The following MBTPS1 variants were observed in gnomAD, a reference collection of about 807,000 sequenced individuals.
MBTPS1 encodes the protein membrane bound transcription factor peptidase, site 1, also known as membrane-bound transcription factor site-1 protease.
MBTPS1 carries 94 observed loss-of-function variants against 127.8 expected under a neutral mutation model. That is an observed-to-expected ratio of 0.74 (90% confidence interval 0.62 to 0.87). The LOEUF (loss-of-function observed/expected upper bound fraction) is 0.87, where lower values mean the gene tolerates loss of function less well. Ranked by LOEUF, MBTPS1 falls within the 40% of genes least tolerant of loss-of-function variation. MBTPS1 has a pLI of 0.00. For synonymous variants in MBTPS1, 632 were observed against 509.4 expected, an observed-to-expected ratio of 1.24 and a Z score of -3.24; for missense variants, 1,636 against 1,353.2, an observed-to-expected ratio of 1.21 and a Z score of -3.28.
In MBTPS1 at chr16:84,060,816, G is replaced by A. The variant is rs2085599730; in HGVS notation, c.2573-3C>T. ...GGCATCCAGAAGCCAAAAGCAGTCT[G>A]CGAAGTCAACAAGCCTGTTTAGGAA... On this transcript the variant is annotated splice_polypyrimidine_tract_variant and splice_region_variant and intron_variant, in intron 19 of 22. Transcript: ENST00000343411. 1 of 1,571,272 alleles carries A rather than the reference G, an allele frequency of 6.4e-7. No homozygotes were observed. Among genetic ancestry groups the A allele is most frequent in the Non-Finnish European group, 8.6e-7 (1 of 1,158,030 alleles).
At chr16:84,104,836 G>A (rs1232728012) in intron 1 of MBTPS1, among the ~76,000 whole-genome samples, 1 of 152,130 alleles carries the variant, frequency 6.6e-6, no homozygotes, top group Admixed American at 6.5e-5. Context: ...TCCACTTTAG[G>A]AGGCTGAGGC....
rs143291850 is a variant in MBTPS1 at position 84,093,193 on chromosome 16, T to G, written c.841A>C (p.Asn281His). ...GGAGTCCTCAAAACACCTACCTGAT[T>G]ATTGGTAAAGACCCTGAAAATGTGA... ...ELHIFRVFTN[N>H]QVSYTSWFLD... is the part of the protein sequence containing the mutation. Residue 281 changes from asparagine (N) to histidine (H), a missense_variant, in exon 6 of 23, where the codon AAT becomes CAT. Transcript: ENST00000343411. 4.0e-5 allele frequency: 65 copies of G among 1,608,342 alleles called. No individual in the cohort carries two copies. The African/African-American group carries it at 7.7e-4, about 19-fold the overall frequency.
At chr16:84,065,221 G>A (rs947254619) in intron 18 of MBTPS1, among the ~76,000 whole-genome samples, 9 of 151,570 alleles carry the variant, frequency 5.9e-5, no homozygotes, top group Admixed American at 1.3e-4. Flanking sequence ...AGGTTCAAGC[G>A]ATTCTCCTGC....
intron 19 of MBTPS1, among the ~76,000 whole-genome samples, chr16:84,061,913 T>C (rs2085619778): frequency 6.6e-6 from 1 of 152,170 alleles, no homozygotes; most frequent in Non-Finnish European, 1.5e-5. Flanking sequence ...TTTCCTCTCA[T>C]TAAAGGGCAC....
chr16:84,070,594 C>T lies in MBTPS1; in HGVS notation c.1776G>A (p.Glu592=). 6.2e-7 allele frequency: 1 copy of T among 1,611,746 alleles called. No homozygotes were observed. The change falls in exon 13 of 23, where the codon GAG becomes GAA. Residue 592 remains glutamate, a synonymous_variant. Transcript: ENST00000343411. The part of the protein sequence containing the change: ...HVMITVASPA[E]TESKNGAEQT... ...CTTTCCCGCATATCCCTACCTCTGT[C>T]TCTGCTGGGGAAGCCACAGTGATCA...
At chr16:84,064,027 C>A (rs1274585186) in intron 18 of MBTPS1, among the ~76,000 whole-genome samples, 1 of 152,202 alleles carries the variant, frequency 6.6e-6, no homozygotes, top group East Asian at 1.9e-4. Flanking sequence ...AGCCTCCTAT[C>A]TTTGCCCAGA....
intron 20 of MBTPS1, 139 bp downstream of exon 20, chr16:84,060,543 A>T: frequency 1.1e-6 from 1 of 925,768 alleles, no homozygotes; most frequent in Non-Finnish European, 1.6e-6. Flanking sequence ...GTGCTGCTCT[A>T]CCCGCAGCCA....
intron 1 of MBTPS1, chr16:84,110,891 C>A (rs906512958): frequency 1.7e-4 from 26 of 152,248 alleles, no homozygotes; most frequent in African/African-American, 6.3e-4. Flanking sequence ...AAGATACACA[C>A]TGCAAGATTA....
intron 9 of MBTPS1, among the ~76,000 whole-genome samples, chr16:84,085,582 A>G (rs1553819): frequency 5.0e-5 from 4 of 80,570 alleles, no homozygotes; most frequent in South Asian, 4.6e-4. Flanking sequence ...CCCCCCCCCC[A>G]AAAAAAAAGA....
At chr16:84,059,546 C>T (rs1486642042) in intron 20 of MBTPS1, 118 bp from the exon 21 acceptor site, 7 of 954,266 alleles carry the variant, frequency 7.3e-6, no homozygotes, top group African/African-American at 4.9e-5. Flanking sequence ...CACAGAGCCC[C>T]TGTGCTCTAT....
chr16:84,065,647 G>T, intron 18 of MBTPS1, 43 bp downstream of exon 18: 2 of 1,276,332 alleles, frequency 1.6e-6, no homozygotes, highest in Non-Finnish European at 1.1e-6. Flanking sequence ...AAAAGGGAGC[G>T]AGAGAAAGAA....
intron 1 of MBTPS1, among the ~76,000 whole-genome samples, chr16:84,115,969 A>C (rs2086470079): frequency 6.6e-6 from 1 of 151,906 alleles, no homozygotes; most frequent in South Asian, 2.1e-4. Flanking sequence ...GAGAGGAATT[A>C]CTTCTCTTCT....
chr16:84,061,634 G>A (rs569828304), intron 19 of MBTPS1: 2 of 152,432 alleles, frequency 1.3e-5, no homozygotes, highest in East Asian at 1.9e-4. Flanking sequence ...GTTCACTTGA[G>A]CTGGGCTTCG....
intron 3 of MBTPS1, among the ~76,000 whole-genome samples, chr16:84,096,058 G>A (rs2086175730): frequency 6.6e-6 from 1 of 152,012 alleles, no homozygotes; most frequent in Non-Finnish European, 1.5e-5. Context: ...AAGAAAGACT[G>A]ATTAAATTAA....
chr16:84,090,848 G>T, intron 8 of MBTPS1, 27 bp downstream of exon 8: 2 of 1,563,910 alleles, frequency 1.3e-6, no homozygotes, highest in South Asian at 1.1e-5. Context: ...AAAAATCCCC[G>T]AGGTCATCCC....
intron 14 of MBTPS1, among the ~76,000 whole-genome samples, chr16:84,069,324 C>G (rs901539435): frequency 6.6e-6 from 1 of 152,220 alleles, no homozygotes; most frequent in African/African-American, 2.4e-5. Flanking sequence ...GCAGTGCCAG[C>G]TTCTGAAGGG....
At chr16:84,054,910 G>A (rs1036606370) in intron 22 of MBTPS1, among the ~76,000 whole-genome samples, 2 of 152,174 alleles carry the variant, frequency 1.3e-5, no homozygotes, top group Non-Finnish European at 2.9e-5. Flanking sequence ...CCCGCAGACG[G>A]ATGATCAGGC....
At position 84,093,203 on chromosome 16, in the gene MBTPS1, G is replaced by C. The variant is rs1013215925; in HGVS notation, c.831C>G (p.Val277=). The C allele has an allele frequency of 1.2e-6, 2 of 1,611,354 alleles. No individual in the cohort carries two copies. The highest frequency in any genetic ancestry group is 1.7e-6 in the Non-Finnish European group (2 of 1,177,586). ...APDAELHIFR[V]FTNNQVSYTS... is the part of the protein sequence containing the mutation. ...AAACACCTACCTGATTATTGGTAAA[G>C]ACCCTGAAAATGTGAAGTTCTGCAT... is the stretch of plus-strand genomic sequence containing the variant. Residue 277 remains valine, a synonymous_variant, in exon 6 of 23, where the codon GTC becomes GTG. Transcript: ENST00000343411.
At chr16:84,057,508 C>G (rs143549415) in intron 21 of MBTPS1, 1 of 152,246 alleles carries the variant, frequency 6.6e-6, no homozygotes, top group African/African-American at 2.4e-5. Context: ...GAGTTCCTCT[C>G]AGGGAGGACG....
Sources: allele counts gnomAD v4.1 joint callset (sites outside exome capture counted in the v4.1 genomes callset), GRCh38; gene constraint gnomAD v4.1.1; transcripts MANE v1.5; gene names NCBI Gene and HGNC (gene_info 2026-07-23, HGNC 2026-07-21).